CTNNA3: variants seen among roughly 807,000 people sequenced by gnomAD.
CTNNA3 encodes the protein catenin alpha-3.
In CTNNA3, 76 loss-of-function variants were observed where a neutral mutation model predicts 95.7. The observed-to-expected ratio is 0.79, with a 90% CI of 0.66 to 0.96. CTNNA3 has a LOEUF of 0.96. CTNNA3 is among the 40% of genes least tolerant of loss of function. CTNNA3 has a pLI of 0.00. For synonymous variants in CTNNA3, 431 were observed against 374.4 expected, an observed-to-expected ratio of 1.15 and a Z score of -1.74; for missense variants, 1,191 against 1,089.8, an observed-to-expected ratio of 1.09 and a Z score of -1.31.
intron 7 of CTNNA3, among the ~76,000 whole-genome samples, chr10:66,999,747 T>C (rs188136125): frequency 4.6e-5 from 7 of 152,324 alleles, no homozygotes; most frequent in African/African-American, 1.4e-4. Context: ...GCAATTTTAC[T>C]GTATTTTATC....
At position 67,566,041 on chromosome 10, in the gene CTNNA3, G is replaced by GTATACATATATATATATATATATATA. The variant is rs1388066358; in HGVS notation, c.293-26373_293-26372insTATATATATATATATATATATGTATA. ...AACACACACACACACATATGTGTGT[G>GTATACATATATATATATATATATATA]TGTATATATATATATATATATATAT... On this transcript the variant is annotated intron_variant, in intron 3 of 17. Transcript: ENST00000433211. 6.1e-4 allele frequency among the ~76,000 whole-genome samples: 18 copies of GTATACATATATATATATATATATATA among 29,432 alleles called. 2 individuals are homozygous for GTATACATATATATATATATATATATA. Among genetic ancestry groups the GTATACATATATATATATATATATATA allele is most frequent in the African/African-American group, 2.3e-3 (17 of 7,368 alleles). The allele number at this position is 29,432 out of a possible 152,430, so 19.3% of individuals were successfully genotyped here.
chr10:67,017,003 A>C (rs1300212944), intron 7 of CTNNA3, among the ~76,000 whole-genome samples: 3 of 152,178 alleles, frequency 2.0e-5, no homozygotes, highest in Admixed American at 1.3e-4. Context: ...TATATATGAG[A>C]AGAACCTAGA....
chr10:66,593,763 T>C (rs1441084466), intron 10 of CTNNA3, among the ~76,000 whole-genome samples: 3 of 152,176 alleles, frequency 2.0e-5, no homozygotes, highest in African/African-American at 7.2e-5. Flanking sequence ...CATATCCTTC[T>C]TGAAACTATT....
intron 1 of CTNNA3, among the ~76,000 whole-genome samples, chr10:67,663,992 T>G (rs1840266029): frequency 6.6e-6 from 1 of 152,178 alleles, no homozygotes; most frequent in Non-Finnish European, 1.5e-5. Context: ...ACAACTTTTT[T>G]TACAAGTTAG....
chr10:66,080,292 CA>C (rs979012145), intron 14 of CTNNA3, among the ~76,000 whole-genome samples: 1 of 151,926 alleles, frequency 6.6e-6, no homozygotes, highest in Non-Finnish European at 1.5e-5. Context: ...AGTAACCCAA[CA>C]TTGTAAAATT....
intron 7 of CTNNA3, among the ~76,000 whole-genome samples, chr10:67,039,078 C>A: frequency 6.6e-6 from 1 of 151,994 alleles, no homozygotes; most frequent in East Asian, 1.9e-4. Context: ...TTTATTTTTA[C>A]AGTTTCTACC....
rs189095650 is a variant in CTNNA3 at position 66,891,336 on chromosome 10, A to G, written c.1048-115812T>C. 3.5e-3 allele frequency among the ~76,000 whole-genome samples: 528 copies of G among 152,332 alleles called. 1 individual carries two copies. The highest frequency in any genetic ancestry group is 5.6e-3 in the Non-Finnish European group (380 of 68,026). On this transcript the variant is annotated intron_variant, in intron 7 of 17. Coordinates refer to ENST00000433211, the MANE Select transcript of CTNNA3 (RefSeq NM_013266.4). Reference sequence around the variant, plus strand: ...ATTTCCGTAGAAATCAGTCTAAGTCAATTTAAGTTCATGATGAGGGTCTGA... The same window carrying G: ...ATTTCCGTAGAAATCAGTCTAAGTCGATTTAAGTTCATGATGAGGGTCTGA...
chr10:66,953,903 C>T (rs991629276), intron 7 of CTNNA3, among the ~76,000 whole-genome samples: 1 of 152,166 alleles, frequency 6.6e-6, no homozygotes, highest in Non-Finnish European at 1.5e-5. Flanking sequence ...TCTGAACCTT[C>T]ATTTCCTCTG....
chr10:67,605,066 C>T (rs1174735051), intron 3 of CTNNA3, among the ~76,000 whole-genome samples: 2 of 152,140 alleles, frequency 1.3e-5, no homozygotes, highest in African/African-American at 2.4e-5. Flanking sequence ...GAAATCACCA[C>T]TTCATAAAGA....
intron 1 of CTNNA3, among the ~76,000 whole-genome samples, chr10:67,725,323 C>A (rs916398990): frequency 2.0e-5 from 3 of 151,906 alleles, no homozygotes; most frequent in African/African-American, 7.3e-5. Flanking sequence ...ACAACAGGCA[C>A]CCGCCACCAC....
intron 13 of CTNNA3, among the ~76,000 whole-genome samples, chr10:66,134,033 T>C (rs983531177): frequency 6.6e-6 from 1 of 152,148 alleles, no homozygotes; most frequent in Non-Finnish European, 1.5e-5. Context: ...ACTACAGGCA[T>C]ATTAAACATT....
chr10:66,473,053 A>G (rs1839191555), intron 11 of CTNNA3, among the ~76,000 whole-genome samples: 1 of 152,050 alleles, frequency 6.6e-6, no homozygotes. Context: ...AATTGTAGAT[A>G]TTTATGGAGT....
At chr10:67,351,860 C>T (rs1842650326) in intron 5 of CTNNA3, among the ~76,000 whole-genome samples, 1 of 151,948 alleles carries the variant, frequency 6.6e-6, no homozygotes, top group Non-Finnish European at 1.5e-5. Flanking sequence ...TTTTAATGCA[C>T]TCTCTGAAAC....
At chr10:67,744,541 A>T (rs1841362405) in intron 1 of CTNNA3, among the ~76,000 whole-genome samples, 2 of 151,404 alleles carry the variant, frequency 1.3e-5, no homozygotes, top group African/African-American at 2.4e-5. Context: ...ACCTAAAACC[A>T]TAAAAACCCT....
intron 5 of CTNNA3, among the ~76,000 whole-genome samples, chr10:67,392,367 C>T (rs1235600450): frequency 2.0e-5 from 3 of 152,194 alleles, no homozygotes; most frequent in Non-Finnish European, 4.4e-5. Flanking sequence ...TACCATCTCA[C>T]ACCAGTTAGA....
chr10:67,529,259 T>G (rs1163201829), intron 4 of CTNNA3, among the ~76,000 whole-genome samples: 1 of 152,026 alleles, frequency 6.6e-6, no homozygotes, highest in Admixed American at 6.6e-5. Flanking sequence ...TAGTTAACAA[T>G]AACTTATCAC....
At chr10:66,074,465 C>T (rs1399248739) in intron 14 of CTNNA3, among the ~76,000 whole-genome samples, 1 of 151,812 alleles carries the variant, frequency 6.6e-6, no homozygotes, top group Non-Finnish European at 1.5e-5. Flanking sequence ...CTTCAACACA[C>T]TGTACCCTCA....
chr10:66,457,831 C>T (rs772797207), intron 11 of CTNNA3, among the ~76,000 whole-genome samples: 1 of 152,016 alleles, frequency 6.6e-6, no homozygotes, highest in Non-Finnish European at 1.5e-5. Context: ...TGCAGATAAG[C>T]AGCTTTATAC....
At chr10:67,291,571 T>G (rs1226715272) in intron 5 of CTNNA3, among the ~76,000 whole-genome samples, 1 of 152,216 alleles carries the variant, frequency 6.6e-6, no homozygotes, top group Non-Finnish European at 1.5e-5. Flanking sequence ...CATCTACCAT[T>G]GTGAGCACCC....
Sources: allele counts gnomAD v4.1 joint callset (sites outside exome capture counted in the v4.1 genomes callset), GRCh38; gene constraint gnomAD v4.1.1; transcripts MANE v1.5; gene names NCBI Gene and HGNC (gene_info 2026-07-23, HGNC 2026-07-21).